The following NTM variants were observed in gnomAD, a reference collection of about 807,000 sequenced individuals.
NTM encodes neurotrimin, also known as IgLON family member 2.
NTM carries 13 observed loss-of-function variants against 42.1 expected under a neutral mutation model. The observed-to-expected ratio is 0.31, with a 90% CI of 0.20 to 0.49. The LOEUF is 0.49. Among genes scored for constraint, NTM ranks in the 20% least tolerant of loss-of-function variants. The pLI, the probability that NTM is intolerant of heterozygous loss-of-function variation, is 0.99. For missense variants in NTM, 373 were observed against 452.8 expected (o/e 0.82, Z 1.60); for synonymous variants, 187 against 179.2 (o/e 1.04, Z -0.35).
At chr11:131,638,956 T>C (rs949435291) in intron 1 of NTM, among the ~76,000 whole-genome samples, 1 of 152,240 alleles carries the variant, frequency 6.6e-6, no homozygotes, top group Non-Finnish European at 1.5e-5. Flanking sequence ...AAAAACTTTG[T>C]ATAAATAAAC....
intron 1 of NTM, among the ~76,000 whole-genome samples, chr11:131,392,861 T>C (rs964961653): frequency 6.6e-6 from 1 of 152,094 alleles, no homozygotes; most frequent in Non-Finnish European, 1.5e-5. Context: ...TTCCCTGGAG[T>C]GCCTGTGCAT....
At chr11:131,734,495 G>A (rs1374748595) in intron 1 of NTM, among the ~76,000 whole-genome samples, 2 of 152,048 alleles carry the variant, frequency 1.3e-5, no homozygotes, top group Non-Finnish European at 2.9e-5. Context: ...AGTGTGCTAG[G>A]TAGAGGAACC....
At chr11:131,605,844 T>C in intron 1 of NTM, 1 of 984,264 alleles carries the variant, frequency 1.0e-6, no homozygotes. Context: ...CCTGGAAGCC[T>C]CTTCTTGGAC....
intron 1 of NTM, among the ~76,000 whole-genome samples, chr11:131,500,203 C>T (rs1025788242): frequency 1.3e-5 from 2 of 152,178 alleles, no homozygotes; most frequent in East Asian, 3.8e-4. Context: ...AGGATAAGCA[C>T]CCTCCAGCTG....
chr11:131,824,275 G>A (rs2041874897), intron 1 of NTM, among the ~76,000 whole-genome samples: 1 of 152,144 alleles, frequency 6.6e-6, no homozygotes, highest in East Asian at 1.9e-4. Flanking sequence ...CATTACATTT[G>A]TTCAGCACAT....
intron 2 of NTM, among the ~76,000 whole-genome samples, chr11:132,144,514 G>T (rs1427984452): frequency 6.6e-6 from 1 of 152,190 alleles, no homozygotes; most frequent in Non-Finnish European, 1.5e-5. Flanking sequence ...CCCCATAAAT[G>T]ATATAAGTTG....
chr11:131,839,631 T>G lies in NTM; in HGVS notation c.83-71933T>G, dbSNP rs957037968. On this transcript the variant is annotated intron_variant, in intron 1 of 8. Coordinates refer to ENST00000683400, the MANE Select transcript of NTM (RefSeq NM_001352005.2). ...TATAGGTCACCATAAGAACACAGAC[T>G]TTTACTCTGACAGTCACTGGAGGGT... Among the ~76,000 whole-genome samples, 3 of 152,134 alleles carry G rather than the reference T, an allele frequency of 2.0e-5. No homozygotes were observed. In the East Asian group the frequency reaches 5.8e-4, roughly 29 times the overall value.
chr11:131,514,011 C>A (rs1357648359), intron 1 of NTM, among the ~76,000 whole-genome samples: 1 of 152,004 alleles, frequency 6.6e-6, no homozygotes, highest in Non-Finnish European at 1.5e-5. Flanking sequence ...GCTTCTAAGC[C>A]TTGGCCTAAG....
chr11:131,459,754 G>C (rs1951210905), intron 1 of NTM, among the ~76,000 whole-genome samples: 1 of 152,132 alleles, frequency 6.6e-6, no homozygotes, highest in Non-Finnish European at 1.5e-5. Context: ...TGTCAACCTG[G>C]AGGAAGGCCT....
rs112707556 is a variant in NTM, at chr11:132,317,721, T to G, written c.934+3018T>G. 7,305 of 1,278,562 alleles carry G rather than the reference T, an allele frequency of 5.7e-3. 367 individuals are homozygous for G. In the African/African-American group the frequency reaches 0.098, roughly 17 times the overall value. 79.2% of individuals were successfully genotyped at this position (1,278,562 alleles called of 1,614,324 possible). ...TATCTTCCTTGCTTTATGTTTTGTCTCCCCTTCCCTCTATCCCAGAGGCCC... is the reference window on the plus strand; with the variant it reads ...TATCTTCCTTGCTTTATGTTTTGTCGCCCCTTCCCTCTATCCCAGAGGCCC... On this transcript the variant is annotated intron_variant, in intron 7 of 8. Transcript: ENST00000683400.
At chr11:131,444,910 T>G (rs921033661) in intron 1 of NTM, among the ~76,000 whole-genome samples, 4 of 152,202 alleles carry the variant, frequency 2.6e-5, no homozygotes, top group African/African-American at 9.7e-5. Context: ...GACCTTGATT[T>G]TCTCATAAAA....
At chr11:131,373,100 C>T (rs1031587312) in intron 1 of NTM, among the ~76,000 whole-genome samples, 3 of 152,168 alleles carry the variant, frequency 2.0e-5, no homozygotes, top group Non-Finnish European at 2.9e-5. Flanking sequence ...TAACGCAGAA[C>T]GACCCCCAAA....
At chr11:132,208,215 C>T (rs1213821970) in intron 3 of NTM, among the ~76,000 whole-genome samples, 1 of 152,228 alleles carries the variant, frequency 6.6e-6, no homozygotes, top group African/African-American at 2.4e-5. Context: ...TTAGCTAAAA[C>T]CACAGTGCAC....
At chr11:131,904,085 C>T (rs1477886696) in intron 1 of NTM, among the ~76,000 whole-genome samples, 5 of 152,090 alleles carry the variant, frequency 3.3e-5, no homozygotes, top group African/African-American at 1.2e-4. Context: ...ATGTCACCTC[C>T]AATACAAAGT....
At chr11:132,059,193 G>C (rs1594210405) in intron 2 of NTM, among the ~76,000 whole-genome samples, 2 of 152,248 alleles carry the variant, frequency 1.3e-5, no homozygotes, top group East Asian at 3.9e-4. Context: ...CCTCACCCTA[G>C]TCTAACACTT....
chr11:132,015,720 G>T (rs1184568657), intron 2 of NTM, among the ~76,000 whole-genome samples: 1 of 151,020 alleles, frequency 6.6e-6, no homozygotes, highest in Non-Finnish European at 1.5e-5. Context: ...TTCAGCTAGT[G>T]CATTCCTGGT....
intron 1 of NTM, among the ~76,000 whole-genome samples, chr11:131,748,108 A>G (rs1367233766): frequency 1.3e-5 from 2 of 152,236 alleles, no homozygotes; most frequent in African/African-American, 2.4e-5. Flanking sequence ...AATGTGTTCA[A>G]TTAGGTATTA....
chr11:132,315,074 CATTTGATTTTTTTTTTCT>C lies in NTM; in HGVS notation c.934+372_934+389del. 6.8e-6 allele frequency: 7 copies of C among 1,026,722 alleles called. No homozygotes were observed. The South Asian group carries it at 3.2e-4, about 47-fold the overall frequency. 63.6% of individuals were successfully genotyped at this position (1,026,722 alleles called of 1,614,324 possible). A position where few individuals can be genotyped will look rare whatever the true frequency, so the allele number is the denominator to read the frequency against. On this transcript the variant is annotated intron_variant, in intron 7 of 8. Coordinates refer to ENST00000683400, the MANE Select transcript of NTM (RefSeq NM_001352005.2). ...AAATACTTTGGAATGCCAAAAATGA[CATTTGATTTTTTTTTTCT>C]CAGTGATGATGGCTCCTAAGCTGAC...
At chr11:131,603,283 C>T (rs1280343359) in intron 1 of NTM, among the ~76,000 whole-genome samples, 1 of 151,984 alleles carries the variant, frequency 6.6e-6, no homozygotes, top group Non-Finnish European at 1.5e-5. Context: ...TTTATCCTCT[C>T]TCTGCTTGGG....
Sources: allele counts gnomAD v4.1 joint callset (sites outside exome capture counted in the v4.1 genomes callset), GRCh38; gene constraint gnomAD v4.1.1; transcripts MANE v1.5; gene names NCBI Gene and HGNC (gene_info 2026-07-23, HGNC 2026-07-21).